Variants in PLCG2 observed in about 807,000 individuals in gnomAD.
PLCG2 encodes the protein phospholipase C gamma 2.
In PLCG2, 69 loss-of-function variants were observed where a neutral mutation model predicts 175.6. The observed-to-expected ratio is 0.39, with a 90% CI of 0.32 to 0.48. The LOEUF is 0.48. Ranked by LOEUF, PLCG2 falls within the 20% of genes least tolerant of loss-of-function variation. PLCG2 has a pLI of 0.91. For synonymous variants in PLCG2, 827 were observed against 624.0 expected (o/e 1.33, Z -4.85); for missense variants, 1,798 against 1,650.9 (o/e 1.09, Z -1.54).
intron 1 of PLCG2, among the ~76,000 whole-genome samples, chr16:81,743,090 C>T (rs2143046973): frequency 6.6e-6 from 1 of 152,138 alleles, no homozygotes; most frequent in South Asian, 2.1e-4. Flanking sequence ...CACTTTAGCC[C>T]AGGAGTTTGA....
chr16:81,795,478 T>A (rs192130034), intron 2 of PLCG2, among the ~76,000 whole-genome samples: 8 of 152,322 alleles, frequency 5.3e-5, no homozygotes, highest in Non-Finnish European at 7.4e-5. Flanking sequence ...TAAGTTTATC[T>A]CTCACTCACT....
chr16:81,936,484 T>G (rs1315172648), intron 27 of PLCG2, 106 bp downstream of exon 27: 36 of 879,288 alleles, frequency 4.1e-5, no homozygotes, highest in Non-Finnish European at 1.1e-5. Flanking sequence ...CAAGAATGAG[T>G]GATTTGTCCG....
chr16:81,823,419 C>T (rs1032901340), intron 2 of PLCG2, among the ~76,000 whole-genome samples: 1 of 152,174 alleles, frequency 6.6e-6, no homozygotes, highest in African/African-American at 2.4e-5. Flanking sequence ...CCATGAGAGT[C>T]CAGGTGAAGA....
intron 3 of PLCG2, among the ~76,000 whole-genome samples, chr16:81,855,977 C>T (rs1252067824): frequency 6.6e-6 from 1 of 152,204 alleles, no homozygotes; most frequent in Non-Finnish European, 1.5e-5. Context: ...AGGCTGAGCC[C>T]TGACCCCCTG....
rs572759581 is a variant in PLCG2 at position 81,874,348 on chromosome 16, C to T, written c.648+3413C>T. ...CCCAAAGAAGTTTTGCTTTGGCAAC[C>T]CTCATCTCCACTGTTTGAGGGTATA... is the stretch of plus-strand genomic sequence containing the variant. On this transcript the variant is annotated intron_variant, in intron 7 of 32. Transcript: ENST00000564138. Among the ~76,000 whole-genome samples, 31 of 152,226 alleles carry T rather than the reference C, an allele frequency of 2.0e-4. No homozygotes were observed. The South Asian group carries it at 3.7e-3, about 18-fold the overall frequency.
rs553131341 is a variant in PLCG2 at position 81,821,871 on chromosome 16, G to GT, written c.194-32560dup. On this transcript the variant is annotated intron_variant, in intron 2 of 32. Transcript: ENST00000564138. ...AAATAATCTCAGACAGATCCAAGATGTTTTTTTTTTTTTCCAGAGCAGCAC... is the reference window on the plus strand; with the variant it reads ...AAATAATCTCAGACAGATCCAAGATGTTTTTTTTTTTTTTCCAGAGCAGCAC... Among the ~76,000 whole-genome samples, 945 of 145,946 alleles carry GT rather than the reference G, an allele frequency of 6.5e-3. 4 individuals are homozygous for GT. Among genetic ancestry groups the GT allele is most frequent in the African/African-American group, 0.016 (648 of 40,032 alleles).
chr16:81,832,568 G>T (rs976661878), intron 2 of PLCG2, among the ~76,000 whole-genome samples: 4 of 152,112 alleles, frequency 2.6e-5, no homozygotes, highest in African/African-American at 4.8e-5. Context: ...TTGTGTGTGT[G>T]TGTGTATGTA....
intron 2 of PLCG2, among the ~76,000 whole-genome samples, chr16:81,812,035 T>A (rs1222590154): frequency 1.3e-5 from 2 of 149,844 alleles, no homozygotes; most frequent in Non-Finnish European, 3.0e-5. Flanking sequence ...GCATCTGTTG[T>A]TTCCTGACTT....
intron 18 of PLCG2, among the ~76,000 whole-genome samples, chr16:81,911,456 G>C (rs1363745322): frequency 2.0e-5 from 3 of 152,096 alleles, no homozygotes; most frequent in African/African-American, 7.2e-5. Flanking sequence ...TCAATTTTTT[G>C]AGACAAGGTG....
intron 9 of PLCG2, among the ~76,000 whole-genome samples, chr16:81,886,214 C>G (rs1411448345): frequency 6.6e-6 from 1 of 152,326 alleles, no homozygotes; most frequent in African/African-American, 2.4e-5. Flanking sequence ...TTATTACGTG[C>G]TTTCCCCAAA....
intron 11 of PLCG2, among the ~76,000 whole-genome samples, chr16:81,892,847 C>CT (rs58257849): frequency 6.0e-4 from 80 of 133,706 alleles, no homozygotes; most frequent in South Asian, 9.8e-4. Flanking sequence ...GGAACATAAA[C>CT]TTTTTTTTTT....
At chr16:81,912,459 C>T in intron 18 of PLCG2, 138 bp from the exon 19 acceptor site, 5 of 1,006,900 alleles carry the variant, frequency 5.0e-6, no homozygotes, top group South Asian at 1.7e-5. Flanking sequence ...TCTGGGGAAG[C>T]CCACTGTGTG....
At chr16:81,952,441 T>G (rs1302494554) in intron 31 of PLCG2, among the ~76,000 whole-genome samples, 3 of 152,102 alleles carry the variant, frequency 2.0e-5, no homozygotes, top group Non-Finnish European at 4.4e-5. Flanking sequence ...TCAGGGCTCC[T>G]TAGACAAGTG....
intron 2 of PLCG2, among the ~76,000 whole-genome samples, chr16:81,810,156 T>C (rs1904305167): frequency 6.6e-6 from 1 of 152,146 alleles, no homozygotes; most frequent in African/African-American, 2.4e-5. Flanking sequence ...CACGCCCAGC[T>C]AATTTTGTAT....
chr16:81,880,867 A>T (rs760399580), intron 7 of PLCG2, 43 bp from the exon 8 acceptor site: 45 of 1,594,518 alleles, frequency 2.8e-5, no homozygotes, highest in Non-Finnish European at 3.9e-5. Context: ...GCATTAAGTG[A>T]CTTGTCTAAG....
intron 2 of PLCG2, among the ~76,000 whole-genome samples, chr16:81,792,070 A>G (rs1220500592): frequency 1.3e-5 from 2 of 152,228 alleles, no homozygotes; most frequent in African/African-American, 4.8e-5. Flanking sequence ...GGTAGGCAGG[A>G]ACTGATGGTG....
intron 2 of PLCG2, among the ~76,000 whole-genome samples, chr16:81,821,878 T>TTC (rs1249490004): frequency 6.6e-6 from 1 of 152,026 alleles, no homozygotes; most frequent in Non-Finnish European, 1.5e-5. Flanking sequence ...GATGTTTTTT[T>TTC]TTTTTTCCAG....
At chr16:81,883,593 G>A (rs1013737006) in intron 9 of PLCG2, 307 of 539,090 alleles carry the variant, frequency 5.7e-4, no homozygotes, top group Admixed American at 2.2e-4. Flanking sequence ...CACACATTGA[G>A]GATGAGAAGA....
At chr16:81,928,212 T>A (rs1024070265) in intron 23 of PLCG2, among the ~76,000 whole-genome samples, 1 of 152,118 alleles carries the variant, frequency 6.6e-6, no homozygotes, top group Non-Finnish European at 1.5e-5. Flanking sequence ...CGGGCTTTAG[T>A]AGGCAAAATA....
Sources: gnomAD v4.1 joint callset for allele counts (sites outside exome capture counted in the v4.1 genomes callset) on GRCh38, gnomAD v4.1.1 for gene constraint, MANE v1.5 for transcripts, NCBI Gene and HGNC (gene_info 2026-07-23, HGNC 2026-07-21) for gene names.